NHSL1: variants seen among roughly 807,000 people sequenced by gnomAD.
The protein encoded by NHSL1 is NHS-like protein 1.
A neutral mutation model predicts 95.0 loss-of-function variants in NHSL1; 48 were observed. The ratio of observed to expected loss-of-function variants is 0.51; its 90% CI spans 0.40 to 0.64. The LOEUF (loss-of-function observed/expected upper bound fraction) is 0.64, where lower values mean the gene tolerates loss of function less well. NHSL1 is among the 30% of genes least tolerant of loss of function. The pLI is 0.00. For synonymous variants in NHSL1, 783 were observed against 833.9 expected (o/e 0.94, Z 1.05); for missense variants, 1,971 against 2,077.7 (o/e 0.95, Z 1.00).
At chr6:138,519,801 A>G (rs1422793185) in intron 1 of NHSL1, among the ~76,000 whole-genome samples, 1 of 152,230 alleles carries the variant, frequency 6.6e-6, no homozygotes, top group Middle Eastern at 3.2e-3. Flanking sequence ...TTCAGTATTC[A>G]GATAGAGTTG....
intron 1 of NHSL1, among the ~76,000 whole-genome samples, chr6:138,620,594 G>A (rs896097698): frequency 2.0e-5 from 3 of 152,100 alleles, no homozygotes; most frequent in Non-Finnish European, 4.4e-5. Flanking sequence ...TACTAAAAAT[G>A]TTAATGGAAA....
At chr6:138,655,659 TAAG>T (rs1004593607) in intron 1 of NHSL1, among the ~76,000 whole-genome samples, 12 of 152,136 alleles carry the variant, frequency 7.9e-5, no homozygotes, top group Non-Finnish European at 1.6e-4. Flanking sequence ...CAATGAGTAT[TAAG>T]TTTATTTTCA....
chr6:138,651,075 C>T (rs918394718), intron 1 of NHSL1: 1 of 377,212 alleles, frequency 2.7e-6, no homozygotes, highest in Non-Finnish European at 5.1e-6. Flanking sequence ...TGCCATAAAA[C>T]TCATCTGTTA....
In NHSL1 at chr6:138,659,779, C is replaced by T. The variant is rs111859950; in HGVS notation, c.96+32697G>A. 8.5e-3 allele frequency among the ~76,000 whole-genome samples: 1,259 copies of T among 147,718 alleles called. 17 individuals carry two copies. Among genetic ancestry groups the T allele is most frequent in the African/African-American group, 0.029 (1,147 of 39,658 alleles). Reference sequence around the variant, plus strand: ...TCATCCAGGCTGGAGTACAGTAGAGCGATCTCAGCTCACTGCAACCTCTGC... The same window carrying T: ...TCATCCAGGCTGGAGTACAGTAGAGTGATCTCAGCTCACTGCAACCTCTGC... On this transcript the variant is annotated intron_variant, in intron 1 of 3. Coordinates refer to the NHSL1 transcript ENST00000491526.
At position 138,455,511 on chromosome 6, in the gene NHSL1, GCTCCCTGCAAGGAGCCCCGCCTTCA is replaced by G. The variant is rs1246447505; in HGVS notation, c.340-8343_340-8319del. Among the ~76,000 whole-genome samples the G allele has an allele frequency of 2.3e-3, 171 of 74,920 alleles. 2 individuals carry two copies. Among genetic ancestry groups the G allele is most frequent in the Admixed American group, 7.7e-3 (54 of 7,048 alleles). 49.2% of individuals were successfully genotyped at this position (74,920 alleles called of 152,430 possible). ...CCTGCAAGGAGCCCCGCCTTCACAT[GCTCCCTGCAAGGAGCCCCGCCTTCA>G]CATGCTCCCTGCAAGGAGCCCCGCC... On this transcript the variant is annotated intron_variant, in intron 3 of 7. Coordinates refer to ENST00000343505, the MANE Select transcript of NHSL1 (RefSeq NM_001144060.2).
chr6:138,489,986 G>A (rs1368045559), intron 2 of NHSL1, among the ~76,000 whole-genome samples: 7 of 125,722 alleles, frequency 5.6e-5, no homozygotes, highest in Admixed American at 7.7e-5. Flanking sequence ...GGGAGAGGGG[G>A]AGAGAGAGAG....
At chr6:138,575,960 CATTTATTTATTTATTTATTT>C (rs10626397), upstream of NHSL1, among the ~76,000 whole-genome samples, 494 of 144,708 alleles carry the variant, frequency 3.4e-3, 6 homozygotes, top group African/African-American at 0.012. Flanking sequence ...AAAATCCCTA[CATTTATTTATTTATTTATTT>C]ATTTATTTAT....
rs1430312698 is a variant in NHSL1 at position 138,504,609 on chromosome 6, G to A, written c.17-8238C>T. On this transcript the variant is annotated intron_variant, in intron 1 of 4. Coordinates refer to the NHSL1 transcript ENST00000342260. ...GTGGTGGGGAAGATGGAGAGAGGCAGGGCAGGCCCGCAGGGTCTTGCTTGC... is the reference window on the plus strand; with the variant it reads ...GTGGTGGGGAAGATGGAGAGAGGCAAGGCAGGCCCGCAGGGTCTTGCTTGC... 5.3e-5 allele frequency among the ~76,000 whole-genome samples: 8 copies of A among 152,190 alleles called. No homozygotes were observed. The South Asian group carries it at 8.3e-4, about 16-fold the overall frequency.
intron 1 of NHSL1, among the ~76,000 whole-genome samples, chr6:138,581,754 T>G (rs1308368532): frequency 1.3e-5 from 2 of 151,166 alleles, no homozygotes; most frequent in Non-Finnish European, 2.9e-5. Context: ...TCTGCAAGCA[T>G]TTACACCAAG....
intron 4 of NHSL1, among the ~76,000 whole-genome samples, chr6:138,444,301 A>G (rs1776720714): frequency 6.6e-6 from 1 of 152,126 alleles, no homozygotes; most frequent in African/African-American, 2.4e-5. Context: ...AAACTTGGAT[A>G]GCTCAAACAC....
intron 1 of NHSL1, among the ~76,000 whole-genome samples, chr6:138,529,857 A>G (rs1177567162): frequency 1.3e-5 from 2 of 152,218 alleles, no homozygotes; most frequent in Non-Finnish European, 2.9e-5. Context: ...ATTGATTAGT[A>G]ACTTTAATGA....
intron 1 of NHSL1, among the ~76,000 whole-genome samples, chr6:138,622,100 G>A (rs975173005): frequency 6.6e-6 from 1 of 152,192 alleles, no homozygotes; most frequent in Non-Finnish European, 1.5e-5. Flanking sequence ...GAACTTCAGA[G>A]TGTCTTAAAG....
chr6:138,441,486 T>A (rs186328894), intron 5 of NHSL1, among the ~76,000 whole-genome samples: 21 of 152,278 alleles, frequency 1.4e-4, no homozygotes, highest in Admixed American at 9.2e-4. Context: ...AAAGGCACCA[T>A]CCAACATAAA....
At chr6:138,490,382 G>C (rs185188138) in intron 2 of NHSL1, among the ~76,000 whole-genome samples, 1 of 151,974 alleles carries the variant, frequency 6.6e-6, no homozygotes, top group Non-Finnish European at 1.5e-5. Context: ...AAAGACAAGG[G>C]GTATCTGCGA....
chr6:138,431,629 A>G lies in NHSL1; in HGVS notation c.2716T>C (p.Ser906Pro). 1 of 1,551,666 alleles carries G rather than the reference A, an allele frequency of 6.4e-7. No homozygotes were observed. The highest frequency in any genetic ancestry group is 8.7e-7 in the Non-Finnish European group (1 of 1,146,928). Residue 906 changes from serine to proline, a missense_variant, in exon 6 of 8, where the codon TCT (serine) becomes CCT (proline). Physicochemically the swap from Ser to Pro is moderately conservative, Grantham distance 74 (BLOSUM62 -1). Coordinates refer to ENST00000343505, the MANE Select transcript of NHSL1 (RefSeq NM_001144060.2). The surrounding 1 kb of genome is among the most constrained non-coding windows in gnomAD (Gnocchi z 4.0). ...VSISSSSTSL[S>P]SSTSTEGSGT... ...CTTCCTTCAGTAGAAGTACTAGAAG[A>G]AAGAGAAGTGGACGATGAGGAAATG...
chr6:138,532,805 C>A (rs1782191189), intron 1 of NHSL1, among the ~76,000 whole-genome samples: 1 of 152,110 alleles, frequency 6.6e-6, no homozygotes, highest in Non-Finnish European at 1.5e-5. Flanking sequence ...CTAATAGCAT[C>A]ATGGAAGATT....
Position 138,423,710 on chromosome 6 carries a change from G to A in NHSL1, c.*371C>T, listed in dbSNP as rs1303971195. On this transcript the variant is annotated 3_prime_UTR_variant, in exon 8 of 8. Transcript: ENST00000343505. The stretch of plus-strand genomic sequence containing the variant: ...GACTCCGTTACTCTACCAAGCTTAA[G>A]TCTGGCTTGCTTTCTTCTATTTCTG... 1 of 169,358 alleles carries A rather than the reference G, an allele frequency of 5.9e-6. No individual in the cohort carries two copies. The highest frequency in any genetic ancestry group is 1.2e-5 in the Non-Finnish European group (1 of 81,350). 10.5% of individuals were successfully genotyped at this position (169,358 alleles called of 1,614,324 possible).
In NHSL1 at chr6:138,586,493, C is replaced by T. The variant is rs141429494; in HGVS notation, c.97-90122G>A. 4.6e-4 allele frequency among the ~76,000 whole-genome samples: 70 copies of T among 152,298 alleles called. No individual in the cohort carries two copies. In the East Asian group the frequency reaches 9.6e-3, roughly 21 times the overall value. On this transcript the variant is annotated intron_variant, in intron 1 of 3. Transcript: ENST00000491526. ...ACACTTGAGGTACAGTAAGTAACAT[C>T]ACTTAAGAAGTAACAAAGCCACTTA...
chr6:138,550,112 A>G (rs1176121359), upstream of NHSL1, among the ~76,000 whole-genome samples: 1 of 151,844 alleles, frequency 6.6e-6, no homozygotes, highest in East Asian at 1.9e-4. Context: ...GGTGTCGTAC[A>G]CCTGTAATCC....
Sources: gnomAD v4.1 joint callset for allele counts (sites outside exome capture counted in the v4.1 genomes callset) on GRCh38, gnomAD v4.1.1 for gene constraint, Gnocchi (gnomAD v3.1) non-coding constraint, MANE v1.5 for transcripts, NCBI Gene and HGNC (gene_info 2026-07-23, HGNC 2026-07-21) for gene names.